Variants in DAB1 observed in about 807,000 individuals in gnomAD.
DAB1 encodes the protein DAB adaptor protein 1, also known as disabled homolog 1.
Under a neutral mutation model 64.6 loss-of-function variants are expected in DAB1, and 15 were observed. The observed-to-expected ratio is 0.23, with a 90% CI of 0.16 to 0.36. DAB1 has a LOEUF of 0.36. Ranked by LOEUF, DAB1 falls within the 10% of genes least tolerant of loss-of-function variation. The pLI is 1.00. For synonymous variants in DAB1, 235 were observed against 251.9 expected (o/e 0.93, Z 0.64); for missense variants, 596 against 706.7 (o/e 0.84, Z 1.78).
intron 6 of DAB1, among the ~76,000 whole-genome samples, chr1:57,665,849 C>CTCTGTGTGTGTG (rs748074939): frequency 1.5e-5 from 2 of 137,174 alleles, no homozygotes; most frequent in South Asian, 4.9e-4. Flanking sequence ...TTTTAATTAT[C>CTCTGTGTGTGTG]TGTGTGTGTG....
intron 2 of DAB1, among the ~76,000 whole-genome samples, chr1:57,159,816 G>T (rs1442207484): frequency 7.9e-6 from 1 of 126,974 alleles, no homozygotes; most frequent in Non-Finnish European, 1.6e-5. Flanking sequence ...ATAGAAAAAT[G>T]GCCAATAATA....
chr1:57,120,228 C>A (rs1335194563), intron 4 of DAB1, among the ~76,000 whole-genome samples: 1 of 152,090 alleles, frequency 6.6e-6, no homozygotes, highest in Admixed American at 6.6e-5. Context: ...ATTTTCTTAT[C>A]TGTAAAATAA....
chr1:57,221,889 AT>A (rs34829466), intron 2 of DAB1, among the ~76,000 whole-genome samples: 33,965 of 144,372 alleles, frequency 0.24, 3,978 homozygotes, highest in East Asian at 0.42. Flanking sequence ...GTTAAATGTC[AT>A]TTTTTTTTTT....
At chr1:58,128,066 C>A (rs1380830319) in intron 5 of DAB1, among the ~76,000 whole-genome samples, 1 of 150,866 alleles carries the variant, frequency 6.6e-6, no homozygotes. Context: ...GCCATTTTCA[C>A]GATATTGATT....
intron 2 of DAB1, among the ~76,000 whole-genome samples, chr1:57,265,802 C>T (rs936396552): frequency 2.6e-5 from 4 of 152,138 alleles, no homozygotes; most frequent in Admixed American, 6.6e-5. Context: ...TAGTCCCTTG[C>T]CCCCAGAGAA....
At chr1:57,380,572 T>C (rs191920662) in intron 1 of DAB1, among the ~76,000 whole-genome samples, 1 of 152,324 alleles carries the variant, frequency 6.6e-6, no homozygotes. Flanking sequence ...ATGATAATGA[T>C]AATGATGATC....
chr1:57,980,815 G>C lies in DAB1; in HGVS notation n.388-96653C>G, dbSNP rs571112042. ...ATTAAAAGTCTGCAAAATAGTCATA[G>C]TTTTTACTTAGTCATTCCTTTTCTG... On this transcript the variant is annotated intron_variant and non_coding_transcript_variant, in intron 5 of 20. Transcript: ENST00000485760. Among the ~76,000 whole-genome samples, 3 of 152,042 alleles carry C rather than the reference G, an allele frequency of 2.0e-5. No individual in the cohort carries two copies. In the South Asian group the frequency reaches 6.2e-4, roughly 32 times the overall value.
rs532715062 is a variant in DAB1 at position 57,810,579 on chromosome 1, C to T, written n.551+73420G>A. Among the ~76,000 whole-genome samples the T allele has an allele frequency of 1.6e-4, 25 of 152,244 alleles. No individual in the cohort carries two copies. In the South Asian group the frequency reaches 5.0e-3, roughly 30 times the overall value. On this transcript the variant is annotated intron_variant and non_coding_transcript_variant, in intron 6 of 20. Coordinates refer to the DAB1 transcript ENST00000485760. The stretch of plus-strand genomic sequence containing the variant: ...CTTGCTCTGCCTATGACCATCTGAC[C>T]TGGCCTTACCTCTTTCATTTGATTA...
intron 6 of DAB1, among the ~76,000 whole-genome samples, chr1:57,717,976 A>G (rs932280114): frequency 1.6e-4 from 24 of 152,148 alleles, no homozygotes; most frequent in African/African-American, 5.8e-4. Context: ...GGAGACCAGG[A>G]GAGATTGCTC....
chr1:57,601,409 C>A (rs528557727), intron 7 of DAB1, among the ~76,000 whole-genome samples: 1 of 152,182 alleles, frequency 6.6e-6, no homozygotes, highest in South Asian at 2.1e-4. Flanking sequence ...CCCCTTTCTA[C>A]TAAAAATACA....
In DAB1 at chr1:57,410,784, G is replaced by A. The variant is rs1246479558; in HGVS notation, c.-137+13146C>T. The stretch of plus-strand genomic sequence containing the variant: ...CAGAGTGGTATCAGGTTAACCAAGT[G>A]GTTGTCTTTTCTTTTCCTTAATCTT... On this transcript the variant is annotated intron_variant, in intron 1 of 14. Transcript: ENST00000371236. Among the ~76,000 whole-genome samples the A allele has an allele frequency of 3.9e-5, 6 of 152,150 alleles. No individual in the cohort carries two copies. In the East Asian group the frequency reaches 1.2e-3, roughly 29 times the overall value.
intron 2 of DAB1, among the ~76,000 whole-genome samples, chr1:57,212,274 G>C (rs1250219748): frequency 3.3e-5 from 5 of 150,522 alleles, no homozygotes; most frequent in African/African-American, 1.2e-4. Flanking sequence ...GGTGGTTAGA[G>C]AAAGGGGCTG....
chr1:57,256,469 T>C, intron 2 of DAB1, among the ~76,000 whole-genome samples: 1 of 152,128 alleles, frequency 6.6e-6, no homozygotes. Context: ...TCCACCTCTC[T>C]GGTCTTCATT....
intron 5 of DAB1, among the ~76,000 whole-genome samples, chr1:58,092,129 G>A (rs1650702051): frequency 6.6e-6 from 1 of 152,048 alleles, no homozygotes; most frequent in Non-Finnish European, 1.5e-5. Context: ...GAGGTCAGGA[G>A]TTCAAGACCA....
intron 6 of DAB1, among the ~76,000 whole-genome samples, chr1:57,736,062 A>G (rs3118033): frequency 0.014 from 2,155 of 152,230 alleles, 53 homozygotes; most frequent in African/African-American, 0.049. Context: ...AAAGAACTAC[A>G]TTTTCATAGT....
chr1:58,160,314 G>T (rs1025524039), intron 4 of DAB1, among the ~76,000 whole-genome samples: 1 of 152,170 alleles, frequency 6.6e-6, no homozygotes, highest in African/African-American at 2.4e-5. Context: ...TAAGAGCAGA[G>T]CAGAGTAGTT....
chr1:58,125,936 C>G (rs751208274), intron 5 of DAB1, among the ~76,000 whole-genome samples: 1 of 152,072 alleles, frequency 6.6e-6, no homozygotes, highest in Non-Finnish European at 1.5e-5. Context: ...CCTAAAATCT[C>G]TATGACAGGC....
intron 4 of DAB1, among the ~76,000 whole-genome samples, chr1:57,121,843 A>AT (rs1203274163): frequency 2.6e-5 from 4 of 152,026 alleles, no homozygotes; most frequent in Non-Finnish European, 2.9e-5. Context: ...GCAAACCACC[A>AT]TGGCACATGT....
At chr1:58,464,410 C>T (rs532977622) in intron 3 of DAB1, among the ~76,000 whole-genome samples, 1 of 152,222 alleles carries the variant, frequency 6.6e-6, no homozygotes, top group East Asian at 1.9e-4. Flanking sequence ...GAAGTGGGAT[C>T]GTGTCCCCTG....
Sources: allele counts gnomAD v4.1 joint callset (sites outside exome capture counted in the v4.1 genomes callset), GRCh38; gene constraint gnomAD v4.1.1; transcripts MANE v1.5; gene names NCBI Gene and HGNC (gene_info 2026-07-23, HGNC 2026-07-21).